Variants in GIT1 observed in about 807,000 individuals in gnomAD.
The protein encoded by GIT1 is GIT ArfGAP 1.
In GIT1, 14 loss-of-function variants were observed where a neutral mutation model predicts 91.7. The observed-to-expected ratio is 0.15, with a 90% CI of 0.10 to 0.24. The LOEUF is 0.24. GIT1 is among the 10% of genes least tolerant of loss of function. The probability of loss-of-function intolerance (pLI) is 1.00; values close to 1 mark genes in which losing one functional copy is unlikely to be tolerated. For synonymous variants in GIT1, 414 were observed against 418.2 expected (o/e 0.99, Z 0.12); for missense variants, 717 against 1,024.9 (o/e 0.70, Z 4.10).
chr17:29,589,613 C>T lies in GIT1; in HGVS notation c.-235G>A, dbSNP rs1040767962. The T allele has an allele frequency of 6.7e-6, 1 of 148,944 alleles. No homozygotes were observed. Among genetic ancestry groups the T allele is most frequent in the Non-Finnish European group, 1.5e-5 (1 of 66,718 alleles). The allele number at this position is 148,944 out of a possible 1,614,324, so 9.2% of individuals were successfully genotyped here. ...GCCGCCCCGCCGCCGCTCGCGGCTC[C>T]TCTCTCCGCCCCCTGCGCGGCTCCC... On this transcript the variant is annotated 5_prime_UTR_variant, in exon 1 of 20. Coordinates refer to ENST00000225394, the MANE Select transcript of GIT1 (RefSeq NM_014030.4). The surrounding 1 kb of genome is among the most constrained non-coding windows in gnomAD (Gnocchi z 5.2).
Position 29,575,785 on chromosome 17 carries a change from T to C in GIT1, c.1752+27A>G. On this transcript the variant is annotated intron_variant, in intron 16 of 19. Transcript: ENST00000225394. The surrounding 1 kb of genome is among the most constrained non-coding windows in gnomAD (Gnocchi z 5.5). ...TAGCCCACACGGCCCCCAGCCACCCTGTGGGCACTGGGCATGGAAACATTA... is the reference window on the plus strand; with the variant it reads ...TAGCCCACACGGCCCCCAGCCACCCCGTGGGCACTGGGCATGGAAACATTA... The C allele has an allele frequency of 6.2e-7, 1 of 1,610,136 alleles. No individual in the cohort carries two copies. The highest frequency in any genetic ancestry group is 8.5e-7 in the Non-Finnish European group (1 of 1,176,784).
chr17:29,578,902 C>T, intron 7 of GIT1, 123 bp from the exon 8 acceptor site: 1 of 1,589,786 alleles, frequency 6.3e-7, no homozygotes, highest in South Asian at 1.1e-5. Context: ...ATGCTGCACA[C>T]CAAATGCCTC....
chr17:29,581,855 G>T lies in GIT1; in HGVS notation c.624-19C>A, dbSNP rs202158491. The T allele has an allele frequency of 7.4e-6, 12 of 1,610,992 alleles. No homozygotes were observed. The Admixed American group carries it at 1.5e-4, about 20-fold the overall frequency. ...CGCCTGCCTGTGAGGAGGGGGTATG[G>T]CTCAGACCTGCAGCAGCAGCCCTCA... On this transcript the variant is annotated intron_variant, in intron 5 of 19. Coordinates refer to ENST00000225394, the MANE Select transcript of GIT1 (RefSeq NM_014030.4). The surrounding 1 kb of genome is among the most constrained non-coding windows in gnomAD (Gnocchi z 4.8).
At chr17:29,588,916 G>A (rs1369367516) in intron 1 of GIT1, among the ~76,000 whole-genome samples, 2 of 152,214 alleles carry the variant, frequency 1.3e-5, no homozygotes, top group African/African-American at 4.8e-5. Flanking sequence ...GCAGGTGCAA[G>A]ACGCGGGGGT....
rs371571846 is a variant in GIT1, at chr17:29,574,541, C to T, written c.*161G>A. The T allele has an allele frequency of 2.8e-5, 20 of 702,710 alleles. No individual in the cohort carries two copies. Among genetic ancestry groups the T allele is most frequent in the African/African-American group, 1.6e-4 (9 of 57,096 alleles). 43.5% of individuals were successfully genotyped at this position (702,710 alleles called of 1,614,324 possible). ...CCCCACCTCCCCATCCTTAGGGGCT[C>T]GACAGGGGTGGGCACCAGGGCACCT... On this transcript the variant is annotated 3_prime_UTR_variant, in exon 20 of 20. Coordinates refer to ENST00000225394, the MANE Select transcript of GIT1 (RefSeq NM_014030.4).
In GIT1 at chr17:29,576,296, G is replaced by T. The variant is rs1471537920; in HGVS notation, c.1535C>A (p.Pro512His). The T allele has an allele frequency of 6.2e-7, 1 of 1,612,844 alleles. No homozygotes were observed. The highest frequency in any genetic ancestry group is 1.7e-5 in the Admixed American group (1 of 60,022). ...CCCAAAGGGCTTCAGGGCAGAGCCA[G>T]GTTCATACATGGAAAAGGCCTGGCG... The part of the protein sequence containing the change: ...RDRQAFSMYE[P>H]GSALKPFGGP... The change falls in exon 14 of 20, where the codon CCT (proline) becomes CAT (histidine). Residue 512 changes from proline to histidine, a missense_variant. By Grantham distance (77) the Pro-to-His change is moderately conservative. Coordinates refer to ENST00000225394, the MANE Select transcript of GIT1 (RefSeq NM_014030.4).
At chr17:29,583,823 C>A in intron 1 of GIT1, 1 of 597,858 alleles carries the variant, frequency 1.7e-6, no homozygotes, top group East Asian at 2.8e-5. Context: ...CAGAGCCATG[C>A]CCTTTCCTAC....
At chr17:29,577,105 C>A in intron 11 of GIT1, 31 bp downstream of exon 11, 1 of 1,608,634 alleles carries the variant, frequency 6.2e-7, no homozygotes, top group South Asian at 1.1e-5. Flanking sequence ...GCCCCGCCTG[C>A]TTCCCACACC....
intron 1 of GIT1, 146 bp from the exon 2 acceptor site, chr17:29,583,762 G>A (rs1347096369): frequency 1.3e-5 from 12 of 892,194 alleles, no homozygotes; most frequent in East Asian, 8.0e-5. Flanking sequence ...CCATCACTAC[G>A]GCCAGGTTAC....
rs1217786258 is a variant in GIT1, at chr17:29,575,182, AG to A, written c.2010-41del. ...GAGGCTATAAAGCAGGGGGCTCTCA[AG>A]GGAGGTTCCCAGGGACAGCAGAACC... On this transcript the variant is annotated intron_variant, in intron 18 of 19. Transcript: ENST00000225394. The surrounding 1 kb of genome is among the most constrained non-coding windows in gnomAD (Gnocchi z 5.5). 1 of 1,569,936 alleles carries A rather than the reference AG, an allele frequency of 6.4e-7. No individual in the cohort carries two copies. Among genetic ancestry groups the A allele is most frequent in the East Asian group, 2.3e-5 (1 of 44,332 alleles).
intron 1 of GIT1, among the ~76,000 whole-genome samples, chr17:29,585,979 C>G (rs1454875512): frequency 6.6e-6 from 1 of 152,190 alleles, no homozygotes; most frequent in African/African-American, 2.4e-5. Flanking sequence ...CTGAAGCCAT[C>G]AGTGGCCTCC....
intron 7 of GIT1, 195 bp from the exon 8 acceptor site, chr17:29,578,974 C>T: frequency 6.2e-7 from 1 of 1,613,946 alleles, no homozygotes; most frequent in Non-Finnish European, 8.5e-7. Context: ...CTGAGACATG[C>T]ACTTTTGCCG....
rs1391199215 is a variant in GIT1, at chr17:29,582,787, A to T, written c.316T>A (p.Phe106Ile). Reference protein sequence around the residue: ...QDKVHPIKSEFIRAKYQMLAF... With the variant: ...QDKVHPIKSEIIRAKYQMLAF... ...AGCATCTGGTACTTGGCCCTGATGAACTCTGACTTGATGGGGCTGCATGGG... is the reference window on the plus strand; with the variant it reads ...AGCATCTGGTACTTGGCCCTGATGATCTCTGACTTGATGGGGCTGCATGGG... Residue 106 changes from phenylalanine (F) to isoleucine (I), a missense_variant, in exon 4 of 20, where the codon TTC becomes ATC. Around this residue, in one of 3 missense-constraint regions of GIT1, gnomAD observed 271 missense variants for 451.6 expected, o/e 0.60. Coordinates refer to ENST00000225394, the MANE Select transcript of GIT1 (RefSeq NM_014030.4). The T allele has an allele frequency of 6.2e-7, 1 of 1,613,116 alleles. No individual in the cohort carries two copies. Among genetic ancestry groups the T allele is most frequent in the Non-Finnish European group, 8.5e-7 (1 of 1,179,668 alleles).
chr17:29,576,975 C>T lies in GIT1; in HGVS notation c.1115G>A (p.Arg372Gln), dbSNP rs749237619. ...TTGGTCGTCGAGGTCACTCTGGCTC[C>T]GCAGAGACAGCTCGAGGTTGTCTGA... is the stretch of plus-strand genomic sequence containing the variant. ...SPTDNLELSL[R>Q]SQSDLDDQHD... The change falls in exon 12 of 20, where the codon CGG becomes CAG. Residue 372 changes from arginine to glutamine, a missense_variant. Coordinates refer to ENST00000225394, the MANE Select transcript of GIT1 (RefSeq NM_014030.4). The T allele has an allele frequency of 1.4e-5, 22 of 1,602,498 alleles. No homozygotes were observed. The highest frequency in any genetic ancestry group is 4.4e-5 in the South Asian group (4 of 91,028).
At position 29,578,915 on chromosome 17, in the gene GIT1, C is replaced by T. The variant is rs192660471; in HGVS notation, c.762-136G>A. On this transcript the variant is annotated intron_variant, in intron 7 of 19. Coordinates refer to ENST00000225394, the MANE Select transcript of GIT1 (RefSeq NM_014030.4). ...AGATGCTGCACACCAAATGCCTCCC[C>T]GCCCTACCCCACCTTCAGGCCTGCT... The T allele has an allele frequency of 1.0e-4, 165 of 1,603,916 alleles. No individual in the cohort carries two copies. The African/African-American group carries it at 1.8e-3, about 17-fold the overall frequency.
Position 29,578,436 on chromosome 17 carries a change from C to T in GIT1, c.811-65G>A. 6.9e-6 allele frequency: 10 copies of T among 1,457,268 alleles called. 1 individual carries two copies. In the South Asian group the frequency reaches 1.0e-4, roughly 15 times the overall value. The allele number at this position is 1,457,268 out of a possible 1,614,324, so 90.3% of individuals were successfully genotyped here. On this transcript the variant is annotated intron_variant, in intron 8 of 19. Transcript: ENST00000225394. ...GGCTCCCAGTGCCAAGGCCAGCTCC[C>T]CAGCATGTTGTGAGCCTTGGGGAAC...
Position 29,582,706 on chromosome 17 carries a change from G to T in GIT1, c.397C>A (p.Leu133Ile). ...RDDDGVTAKD[L>I]SKQLHSSVRT... ...TGTAGGGCCCCTCAAACCTTGCTGA[G>T]GTCTTTGGCGGTGACTCCATCATCG... Residue 133 changes from leucine (L) to isoleucine (I), a missense_variant, in exon 4 of 20, where the codon CTC becomes ATC. Physicochemically the swap from Leu to Ile is conservative, Grantham distance 5. Around this residue, in one of 3 missense-constraint regions of GIT1, gnomAD observed 271 missense variants for 451.6 expected, o/e 0.60. Coordinates refer to ENST00000225394, the MANE Select transcript of GIT1 (RefSeq NM_014030.4). The T allele has an allele frequency of 6.2e-7, 1 of 1,610,662 alleles. No individual in the cohort carries two copies. The highest frequency in any genetic ancestry group is 8.5e-7 in the Non-Finnish European group (1 of 1,177,262).
chr17:29,576,268 G>C lies in GIT1; in HGVS notation c.1563C>G (p.Gly521=). 1 of 1,610,298 alleles carries C rather than the reference G, an allele frequency of 6.2e-7. No homozygotes were observed. Among genetic ancestry groups the C allele is most frequent in the Non-Finnish European group, 8.5e-7 (1 of 1,177,848 alleles). The stretch of plus-strand genomic sequence containing the variant: ...GCGTAGTGAGCTCGTCCCCAGGGGG[G>C]CCCCCAAAGGGCTTCAGGGCAGAGC... ...EPGSALKPFG[G]PPGDELTTRL... The change falls in exon 14 of 20, where the codon GGC becomes GGG. Residue 521 remains glycine (G), a synonymous_variant. Coordinates refer to ENST00000225394, the MANE Select transcript of GIT1 (RefSeq NM_014030.4).
intron 8 of GIT1, 77 bp from the exon 9 acceptor site, chr17:29,578,448 G>A: frequency 2.2e-6 from 3 of 1,345,390 alleles, no homozygotes; most frequent in Admixed American, 1.7e-5. Context: ...AGCATGTTGT[G>A]AGCCTTGGGG....
Sources: gnomAD v4.1 joint callset for allele counts (sites outside exome capture counted in the v4.1 genomes callset) on GRCh38, gnomAD v4.1.1 for gene constraint, gnomAD v4.1.1 regional missense constraint, Gnocchi (gnomAD v3.1) non-coding constraint, MANE v1.5 for transcripts, NCBI Gene and HGNC (gene_info 2026-07-23, HGNC 2026-07-21) for gene names.